Variants in CRYBA4 observed in about 807,000 individuals in gnomAD.
CRYBA4 encodes crystallin beta A4, also known as beta-crystallin A4.
In CRYBA4, 30 loss-of-function variants were observed where a neutral mutation model predicts 31.7. The ratio of observed to expected loss-of-function variants is 0.95; its 90% confidence interval spans 0.71 to 1.28. CRYBA4 has a LOEUF of 1.28. CRYBA4 is among the 50% of genes most tolerant of loss of function. CRYBA4 has a pLI of 0.00. For missense variants in CRYBA4, 225 were observed against 260.7 expected (o/e 0.86, Z 0.94); for synonymous variants, 102 against 102.3 (o/e 1.00, Z 0.02).
chr22:26,599,421 T>C, the CRYBA4 span: 1 of 1,517,014 alleles, frequency 6.6e-7, no homozygotes, highest in Non-Finnish European at 9.0e-7. Context: ...TTTATTTGCC[T>C]GGGAAAAATG....
At chr22:26,594,912 T>C in the CRYBA4 span, among the ~76,000 whole-genome samples, 2 of 152,202 alleles carry the variant, frequency 1.3e-5, no homozygotes, top group African/African-American at 2.4e-5. Flanking sequence ...AGTTTTAGTT[T>C]GAAGGCAAAA....
the CRYBA4 span, among the ~76,000 whole-genome samples, chr22:26,611,454 G>GTTTGTT: frequency 1.4e-5 from 2 of 142,696 alleles, no homozygotes; most frequent in Admixed American, 7.0e-5. Flanking sequence ...GCTAGAGTTT[G>GTTTGTT]TTTTTTTTTT....
At chr22:26,601,852 C>T in the CRYBA4 span, 20 of 1,611,342 alleles carry the variant, frequency 1.2e-5, no homozygotes, top group South Asian at 4.4e-5. Flanking sequence ...AAGCAGGGGA[C>T]GCGGACCTGG....
chr22:26,601,797 G>C, the CRYBA4 span: 1 of 1,601,624 alleles, frequency 6.2e-7, no homozygotes. Flanking sequence ...GGAATCTGAT[G>C]TTATAACCTG....
the CRYBA4 span, among the ~76,000 whole-genome samples, chr22:26,609,795 T>C: frequency 6.6e-6 from 1 of 152,204 alleles, no homozygotes; most frequent in South Asian, 2.1e-4. Flanking sequence ...TGAATTCTAA[T>C]CCAAGCTTTG....
At chr22:26,605,578 G>C in the CRYBA4 span, among the ~76,000 whole-genome samples, 94 of 150,206 alleles carry the variant, frequency 6.3e-4, no homozygotes, top group Non-Finnish European at 9.7e-4. Flanking sequence ...GGAGGCTGAG[G>C]CAGGAGAATT....
chr22:26,627,552 CCTT>C (rs1929786329), intron 4 of CRYBA4, among the ~76,000 whole-genome samples: 1 of 127,174 alleles, frequency 7.9e-6, no homozygotes, highest in Non-Finnish European at 1.7e-5. Context: ...TTCTTTCTTT[CCTT>C]CTTTCATTCT....
the CRYBA4 span, chr22:26,608,105 C>G: frequency 6.2e-7 from 1 of 1,606,048 alleles, no homozygotes; most frequent in Non-Finnish European, 8.5e-7. Flanking sequence ...TCTCTCTCCC[C>G]TGGCAAGGCA....
At chr22:26,628,190 G>A (rs185740171) in intron 4 of CRYBA4, 98 bp from the exon 5 acceptor site, 2 of 1,570,772 alleles carry the variant, frequency 1.3e-6, no homozygotes, top group Admixed American at 1.7e-5. Flanking sequence ...AAGGAAGGCT[G>A]ATTTGGGAGA....
the CRYBA4 span, chr22:26,607,873 C>T: frequency 2.5e-6 from 4 of 1,613,974 alleles, no homozygotes; most frequent in African/African-American, 5.3e-5. Context: ...CCAGCCCCAG[C>T]CGGAGAGCCA....
At chr22:26,596,818 C>T in the CRYBA4 span, 1 of 152,162 alleles carries the variant, frequency 6.6e-6, no homozygotes, top group African/African-American at 2.4e-5. Context: ...ATATCAGAAC[C>T]TTAGAGAGTC....
chr22:26,607,803 T>G, the CRYBA4 span: 1 of 1,592,638 alleles, frequency 6.3e-7, no homozygotes, highest in Non-Finnish European at 8.6e-7. Flanking sequence ...CACCATCATC[T>G]CCTTCTTGCC....
At chr22:26,624,800 G>C (rs1453391712) in intron 3 of CRYBA4, among the ~76,000 whole-genome samples, 1 of 152,232 alleles carries the variant, frequency 6.6e-6, no homozygotes, top group Admixed American at 6.5e-5. Flanking sequence ...CTGAATGACA[G>C]GCATTAGGAA....
At chr22:26,611,648 G>C in the CRYBA4 span, among the ~76,000 whole-genome samples, 1 of 151,640 alleles carries the variant, frequency 6.6e-6, no homozygotes, top group African/African-American at 2.4e-5. Context: ...CTAATTTTTT[G>C]TATTTTTAGT....
At chr22:26,624,573 A>C (rs1007560901) in intron 3 of CRYBA4, among the ~76,000 whole-genome samples, 3 of 152,190 alleles carry the variant, frequency 2.0e-5, no homozygotes, top group African/African-American at 4.8e-5. Context: ...TGCTTTAGTA[A>C]ATACTCTTTT....
chr22:26,625,398 G>A (rs1379683003), intron 3 of CRYBA4, 83 bp from the exon 4 acceptor site: 10 of 1,505,472 alleles, frequency 6.6e-6, no homozygotes, highest in Non-Finnish European at 9.1e-6. Flanking sequence ...TTGTGACTGT[G>A]ACCGTTCTAG....
chr22:26,593,839 T>G, the CRYBA4 span, among the ~76,000 whole-genome samples: 1 of 152,202 alleles, frequency 6.6e-6, no homozygotes, highest in African/African-American at 2.4e-5. Flanking sequence ...GAAAACACTT[T>G]ATTCAGGTGC....
chr22:26,611,575 C>T, the CRYBA4 span, among the ~76,000 whole-genome samples: 6 of 151,544 alleles, frequency 4.0e-5, no homozygotes, highest in Admixed American at 2.6e-4. Flanking sequence ...CCCGGGTTCA[C>T]GCCATTCTCC....
At chr22:26,602,704 G>A in the CRYBA4 span, among the ~76,000 whole-genome samples, 9 of 152,156 alleles carry the variant, frequency 5.9e-5, no homozygotes, top group Non-Finnish European at 8.8e-5. Flanking sequence ...GAACCTTTCA[G>A]AGAAACACTT....
Sources: allele counts gnomAD v4.1 joint callset (sites outside exome capture counted in the v4.1 genomes callset), GRCh38; gene constraint gnomAD v4.1.1; transcripts MANE v1.5; gene names NCBI Gene and HGNC (gene_info 2026-07-23, HGNC 2026-07-21).